Variants in CCDC30 observed in about 807,000 individuals in gnomAD.
CCDC30 encodes the protein coiled-coil domain-containing protein 30.
In CCDC30, 70 loss-of-function variants were observed where a neutral mutation model predicts 100.2. The observed-to-expected ratio is 0.70, with a 90% CI of 0.58 to 0.85. CCDC30 has a LOEUF of 0.85. Ranked by LOEUF, CCDC30 falls within the 40% of genes least tolerant of loss-of-function variation. The pLI is 0.00. For synonymous variants in CCDC30, 233 were observed against 269.5 expected, an observed-to-expected ratio of 0.86 and a Z score of 1.33; for missense variants, 652 against 771.2, an observed-to-expected ratio of 0.85 and a Z score of 1.83.
chr1:42,458,807 T>C (rs1643317888), upstream of CCDC30, among the ~76,000 whole-genome samples: 1 of 151,982 alleles, frequency 6.6e-6, no homozygotes, highest in African/African-American at 2.4e-5. Flanking sequence ...GTACTAGGAG[T>C]TTTGGTCAAG....
intron 14 of CCDC30, among the ~76,000 whole-genome samples, 180 bp from the exon 19 acceptor site, chr1:42,645,955 T>A (rs1647847300): frequency 6.6e-6 from 1 of 152,094 alleles, no homozygotes; most frequent in African/African-American, 2.4e-5. Context: ...CTTAATGGAG[T>A]ATGTCTGGGA....
intron 6 of CCDC30, among the ~76,000 whole-genome samples, chr1:42,514,867 G>A (rs921703394): frequency 6.6e-6 from 1 of 151,936 alleles, no homozygotes; most frequent in Non-Finnish European, 1.5e-5. Flanking sequence ...TGGCCAGGCT[G>A]GTCTTGAACT....
intron 11 of CCDC30, among the ~76,000 whole-genome samples, chr1:42,633,262 T>C (rs1404672082): frequency 6.6e-6 from 1 of 152,228 alleles, no homozygotes; most frequent in Non-Finnish European, 1.5e-5. Context: ...TGAAGTTCTA[T>C]ACTCTTGTCT....
At chr1:42,554,188 G>C (rs890521551) in intron 6 of CCDC30, among the ~76,000 whole-genome samples, 3 of 151,350 alleles carry the variant, frequency 2.0e-5, no homozygotes, top group African/African-American at 7.3e-5. Context: ...TTATTGTACA[G>C]TCATCTTTTT....
intron 6 of CCDC30, among the ~76,000 whole-genome samples, chr1:42,552,321 C>G (rs1645269553): frequency 6.6e-6 from 1 of 152,162 alleles, no homozygotes; most frequent in Non-Finnish European, 1.5e-5. Context: ...CCGCCATGCT[C>G]TGAATGTGGC....
intron 10 of CCDC30, chr1:42,591,212 G>A (rs1455773893): frequency 6.6e-6 from 1 of 152,232 alleles, no homozygotes; most frequent in East Asian, 1.9e-4. Flanking sequence ...CTAAATGGGA[G>A]CCAAGTGCTA....
chr1:42,539,918 T>TA lies in CCDC30; in HGVS notation c.457-26363dup, dbSNP rs11286901. ...GGGCAGCACAGTGAGACCCCATCTCTAAAAAAAAAAAAAAAGAAAAGGCTA... is the reference window on the plus strand; with the variant it reads ...GGGCAGCACAGTGAGACCCCATCTCTAAAAAAAAAAAAAAAAGAAAAGGCTA... On this transcript the variant is annotated intron_variant, in intron 6 of 16. Coordinates refer to ENST00000668663, the Ensembl canonical transcript of CCDC30. 4.2e-3 allele frequency among the ~76,000 whole-genome samples: 578 copies of TA among 138,650 alleles called. 1 individual carries two copies. The highest frequency in any genetic ancestry group is 0.013 in the South Asian group (59 of 4,494). The allele number at this position is 138,650 out of a possible 152,430, so 91.0% of individuals were successfully genotyped here.
chr1:42,482,506 GAC>G, intron 2 of CCDC30, 155 bp from the exon 3 acceptor site: 8 of 408,334 alleles, frequency 2.0e-5, no homozygotes, highest in Non-Finnish European at 2.9e-5. Context: ...GAAATACACA[GAC>G]ACACACACAT....
intron 6 of CCDC30, among the ~76,000 whole-genome samples, chr1:42,563,045 G>A (rs61429016): frequency 0.013 from 2,045 of 152,282 alleles, 38 homozygotes; most frequent in African/African-American, 0.046. Flanking sequence ...AGACAGCATG[G>A]TGATTCCTCA....
intron 8 of CCDC30, among the ~76,000 whole-genome samples, chr1:42,579,698 A>C (rs1008239334): frequency 6.7e-6 from 1 of 149,860 alleles, no homozygotes; most frequent in Non-Finnish European, 1.5e-5. Context: ...GGAGGAAGGG[A>C]GGAAGGAAGG....
chr1:42,569,066 G>A (rs1645673949), intron 7 of CCDC30: 1 of 152,092 alleles, frequency 6.6e-6, no homozygotes, highest in South Asian at 2.1e-4. Flanking sequence ...ACTAAAACTG[G>A]AATGATACAG....
chr1:42,535,777 GT>G (rs1644893920), intron 6 of CCDC30, among the ~76,000 whole-genome samples: 1 of 66,920 alleles, frequency 1.5e-5, no homozygotes, highest in African/African-American at 6.2e-5. Context: ...TGGTGATAGT[GT>G]GCTCATCAAA....
Position 42,465,732 on chromosome 1 carries a change from C to T in CCDC30, c.-92+1834C>T, listed in dbSNP as rs12068140. 1.2e-3 allele frequency among the ~76,000 whole-genome samples: 182 copies of T among 152,244 alleles called. 2 individuals carry two copies. The highest frequency in any genetic ancestry group is 4.2e-3 in the African/African-American group (174 of 41,542). Reference sequence around the variant, plus strand: ...CCCCTGTGAGACATTTGGCAATGTACGTAAGCATTTTTAGTTGTCACAACT... The same window carrying T: ...CCCCTGTGAGACATTTGGCAATGTATGTAAGCATTTTTAGTTGTCACAACT... On this transcript the variant is annotated intron_variant, in intron 1 of 16. Transcript: ENST00000668663.
chr1:42,587,931 A>AG (rs1207813489), intron 9 of CCDC30, among the ~76,000 whole-genome samples: 1 of 152,192 alleles, frequency 6.6e-6, no homozygotes, highest in Non-Finnish European at 1.5e-5. Context: ...GAGTATTGCC[A>AG]GGGAAAAAGG....
chr1:42,502,252 G>A (rs956598019), intron 6 of CCDC30, among the ~76,000 whole-genome samples: 5 of 151,868 alleles, frequency 3.3e-5, no homozygotes, highest in African/African-American at 7.3e-5. Context: ...GGGACCCTCC[G>A]AGCCGGGCGT....
chr1:42,656,265 G>C (rs1320953765), downstream of CCDC30, among the ~76,000 whole-genome samples: 2 of 152,150 alleles, frequency 1.3e-5, no homozygotes, highest in Non-Finnish European at 2.9e-5. Context: ...AAACAAATTC[G>C]CAAGATTGGA....
chr1:42,583,673 C>A (rs894806583), intron 9 of CCDC30, among the ~76,000 whole-genome samples: 1 of 152,024 alleles, frequency 6.6e-6, no homozygotes, highest in African/African-American at 2.4e-5. Context: ...GCACTTCTAC[C>A]AGGAAATAGA....
intron 4 of CCDC30, among the ~76,000 whole-genome samples, chr1:42,495,755 T>A (rs530382004): frequency 6.6e-6 from 1 of 152,030 alleles, no homozygotes; most frequent in Admixed American, 6.5e-5. Flanking sequence ...AACTCCAGGC[T>A]CAGATTGCTT....
rs145129526 is a variant in CCDC30 at position 42,533,165 on chromosome 1, T to C, written c.457-33131T>C. 2.3e-3 allele frequency among the ~76,000 whole-genome samples: 346 copies of C among 152,286 alleles called. 2 individuals are homozygous for C. The highest frequency in any genetic ancestry group is 8.0e-3 in the African/African-American group (333 of 41,568). The stretch of plus-strand genomic sequence containing the variant: ...TTGATTGGATAAACATTTAAACTTT[T>C]TTTTAGATAAGGTGGGCACGTAAGG... On this transcript the variant is annotated intron_variant, in intron 6 of 16. Coordinates refer to ENST00000668663, the Ensembl canonical transcript of CCDC30.
Sources: allele counts gnomAD v4.1 joint callset (sites outside exome capture counted in the v4.1 genomes callset), GRCh38; gene constraint gnomAD v4.1.1; transcripts MANE v1.5; gene names NCBI Gene and HGNC (gene_info 2026-07-23, HGNC 2026-07-21).